ERICH3: variants seen among roughly 807,000 people sequenced by gnomAD.
ERICH3 encodes the protein glutamate-rich protein 3.
ERICH3 carries 126 observed loss-of-function variants against 131.1 expected under a neutral mutation model. The ratio of observed to expected loss-of-function variants is 0.96; its 90% CI spans 0.83 to 1.11. The LOEUF (loss-of-function observed/expected upper bound fraction) is 1.11. Among genes scored for constraint, ERICH3 ranks in the 50% most tolerant of loss-of-function variants. The pLI is 0.00. For synonymous variants in ERICH3, 695 were observed against 644.6 expected, an observed-to-expected ratio of 1.08 and a Z score of -1.18; for missense variants, 2,050 against 1,810.7, an observed-to-expected ratio of 1.13 and a Z score of -2.40.
intron 6 of ERICH3, 108 bp from the exon 7 acceptor site, chr1:74,632,036 C>T (rs374394086): frequency 3.1e-6 from 3 of 974,882 alleles, no homozygotes; most frequent in African/African-American, 3.3e-5. Context: ...GCAAACACAA[C>T]TGATATCAAT....
intron 10 of ERICH3, among the ~76,000 whole-genome samples, chr1:74,603,188 G>A (rs1248844694): frequency 6.6e-6 from 1 of 151,802 alleles, no homozygotes; most frequent in Non-Finnish European, 1.5e-5. Context: ...TTGAGTATGA[G>A]GGACACAAAG....
intron 11 of ERICH3, among the ~76,000 whole-genome samples, chr1:74,596,031 C>G (rs1647830639): frequency 6.6e-6 from 1 of 152,078 alleles, no homozygotes; most frequent in African/African-American, 2.4e-5. Flanking sequence ...CCCTATACTT[C>G]TTTTCAAACC....
rs538070266 is a variant in ERICH3, at chr1:74,570,242, G to A, written c.*216C>T. The A allele has an allele frequency of 1.6e-4, 24 of 152,334 alleles. No homozygotes were observed. Among genetic ancestry groups the A allele is most frequent in the Admixed American group, 9.8e-4 (15 of 15,300 alleles). 9.4% of individuals were successfully genotyped at this position (152,334 alleles called of 1,614,324 possible). On this transcript the variant is annotated 3_prime_UTR_variant, in exon 15 of 15. Transcript: ENST00000326665. ...CTCCATGAGGAACCACTGCTTCTAAGAAGGGTCCTACAGATCTACTTGAGC... is the reference window on the plus strand; with the variant it reads ...CTCCATGAGGAACCACTGCTTCTAAAAAGGGTCCTACAGATCTACTTGAGC...
At chr1:74,589,609 T>C (rs778914098) in intron 12 of ERICH3, 22 bp downstream of exon 12, 1 of 1,607,602 alleles carries the variant, frequency 6.2e-7, no homozygotes, top group Middle Eastern at 1.7e-4. Context: ...TGATGGCAGC[T>C]CAACTCAACG....
chr1:74,607,854 G>T (rs967532832), intron 9 of ERICH3, among the ~76,000 whole-genome samples: 4 of 152,052 alleles, frequency 2.6e-5, no homozygotes, highest in East Asian at 1.9e-4. Context: ...TAAAAATGAT[G>T]ATTATGATAA....
intron 7 of ERICH3, among the ~76,000 whole-genome samples, chr1:74,626,429 G>A (rs1649418055): frequency 6.6e-6 from 1 of 152,086 alleles, no homozygotes; most frequent in Non-Finnish European, 1.5e-5. Context: ...GGGCTTTCAT[G>A]GAAAAGTCTC....
At chr1:74,624,908 G>C (rs1220786790) in intron 7 of ERICH3, 1 of 120,370 alleles carries the variant, frequency 8.3e-6, no homozygotes, top group Non-Finnish European at 1.7e-5. Flanking sequence ...TGGGATTACA[G>C]GTGTTAGAGA....
intron 11 of ERICH3, among the ~76,000 whole-genome samples, chr1:74,596,146 C>T (rs1226856386): frequency 1.3e-5 from 2 of 152,014 alleles, no homozygotes; most frequent in Admixed American, 1.3e-4. Context: ...AGATTTACTT[C>T]TTCAACAGAT....
chr1:74,631,649 GA>G, intron 7 of ERICH3, 63 bp downstream of exon 7: 2 of 1,349,330 alleles, frequency 1.5e-6, no homozygotes, highest in African/African-American at 1.5e-5. Context: ...TGCAAACCTA[GA>G]AATCTAATAG....
At chr1:74,647,799 G>A (rs1646498553) in intron 2 of ERICH3, among the ~76,000 whole-genome samples, 1 of 152,150 alleles carries the variant, frequency 6.6e-6, no homozygotes, top group African/African-American at 2.4e-5. Context: ...AACCAGAGTT[G>A]TGCTACAAGT....
chr1:74,646,605 T>C, intron 3 of ERICH3, 62 bp downstream of exon 3: 1 of 978,876 alleles, frequency 1.0e-6, no homozygotes, highest in Non-Finnish European at 1.4e-6. Context: ...TATACCTCCA[T>C]CTTCAGTGAT....
rs1489769617 is a variant in ERICH3 at position 74,646,095 on chromosome 1, A to AG, written c.243+571_243+572insC. Among the ~76,000 whole-genome samples, 23 of 152,100 alleles carry AG rather than the reference A, an allele frequency of 1.5e-4. No individual in the cohort carries two copies. The South Asian group carries it at 4.6e-3, about 30-fold the overall frequency. On this transcript the variant is annotated intron_variant, in intron 3 of 14. Transcript: ENST00000326665. ...TAAGATACCCTGTCAGATTAAAAAA[A>AG]TATGTTGTTGATGCTTGGTTTGTGC...
intron 11 of ERICH3, among the ~76,000 whole-genome samples, chr1:74,599,288 T>A (rs1648005537): frequency 6.6e-6 from 1 of 151,926 alleles, no homozygotes; most frequent in Admixed American, 6.6e-5. Flanking sequence ...TGTTTTATGT[T>A]CCTCTTTCAT....
At chr1:74,674,031 A>C (rs74797723), upstream of ERICH3, among the ~76,000 whole-genome samples, 1 of 152,228 alleles carries the variant, frequency 6.6e-6, no homozygotes, top group Non-Finnish European at 1.5e-5. Context: ...GGCTGAGGGT[A>C]ATAAGAGCAG....
intron 6 of ERICH3, among the ~76,000 whole-genome samples, chr1:74,633,565 T>C (rs1251989946): frequency 6.6e-6 from 1 of 152,000 alleles, no homozygotes; most frequent in East Asian, 1.9e-4. Context: ...GTTCTTTACC[T>C]TGCTTCTTTT....
intron 5 of ERICH3, among the ~76,000 whole-genome samples, chr1:74,640,994 T>G (rs1557696002): frequency 6.6e-6 from 1 of 152,086 alleles, no homozygotes. Context: ...TTTGAGGTCA[T>G]ATGGTTTAGG....
At chr1:74,610,777 A>G (rs1191586803) in intron 9 of ERICH3, among the ~76,000 whole-genome samples, 1 of 151,812 alleles carries the variant, frequency 6.6e-6, no homozygotes, top group Non-Finnish European at 1.5e-5. Context: ...TTACACCCCA[A>G]CTGCTGCACT....
At chr1:74,669,461 G>T (rs1157708408) in intron 1 of ERICH3, among the ~76,000 whole-genome samples, 4 of 152,058 alleles carry the variant, frequency 2.6e-5, no homozygotes, top group Non-Finnish European at 5.9e-5. Context: ...TTATCCTCAT[G>T]CATGACTGAG....
At chr1:74,672,745 G>A (rs1038525543) in intron 1 of ERICH3, among the ~76,000 whole-genome samples, 4 of 142,932 alleles carry the variant, frequency 2.8e-5, no homozygotes, top group Non-Finnish European at 6.1e-5. Flanking sequence ...AATTCAGGAG[G>A]AAATTGGATA....
Sources: allele counts gnomAD v4.1 joint callset (sites outside exome capture counted in the v4.1 genomes callset), GRCh38; gene constraint gnomAD v4.1.1; transcripts MANE v1.5; gene names NCBI Gene and HGNC (gene_info 2026-07-23, HGNC 2026-07-21).